Variants in ERLIN2 observed in about 807,000 individuals in gnomAD.
ERLIN2 encodes ER lipid raft associated 2.
Under a neutral mutation model 41.5 loss-of-function variants are expected in ERLIN2, and 22 were observed. The observed-to-expected ratio is 0.53, with a 90% CI of 0.38 to 0.76. The LOEUF (loss-of-function observed/expected upper bound fraction) is 0.76. Among genes scored for constraint, ERLIN2 ranks in the 30% least tolerant of loss-of-function variants. The pLI is 0.00. For synonymous variants in ERLIN2, 149 were observed against 150.9 expected (o/e 0.99, Z 0.09); for missense variants, 247 against 414.3 (o/e 0.60, Z 3.51).
At chr8:37,752,148 A>G (rs1397291916) in intron 10 of ERLIN2, among the ~76,000 whole-genome samples, 1 of 152,208 alleles carries the variant, frequency 6.6e-6, no homozygotes, top group Non-Finnish European at 1.5e-5. Flanking sequence ...CTCCAGGTCT[A>G]TGCAGATATT....
intron 6 of ERLIN2, chr8:37,747,526 GAC>G (rs1192049607): frequency 1.9e-6 from 3 of 1,612,446 alleles, no homozygotes; most frequent in South Asian, 2.2e-5. Flanking sequence ...ATCAATGGTA[GAC>G]ACAGTGACAG....
At chr8:37,738,566 A>G (rs541375020) in intron 2 of ERLIN2, among the ~76,000 whole-genome samples, 1 of 152,218 alleles carries the variant, frequency 6.6e-6, no homozygotes, top group East Asian at 1.9e-4. Flanking sequence ...GTGAGACCCT[A>G]TCTCTAAAAA....
chr8:37,749,578 C>G lies in ERLIN2; in HGVS notation c.444C>G (p.Leu148=). Residue 148 remains leucine, a synonymous_variant, in exon 7 of 12, where the codon CTC becomes CTG. Coordinates refer to ENST00000519638, the MANE Select transcript of ERLIN2 (RefSeq NM_007175.8). ...IELFDQIDEN[L]KLALQQDLTS... The stretch of plus-strand genomic sequence containing the variant: ...TTCCAGATCAGATTGATGAAAATCT[C>G]AAACTGGCTTTGCAACAGGACCTGA... The G allele has an allele frequency of 6.2e-7, 1 of 1,613,594 alleles. No individual in the cohort carries two copies. Among genetic ancestry groups the G allele is most frequent in the Non-Finnish European group, 8.5e-7 (1 of 1,179,472 alleles).
In ERLIN2 at chr8:37,755,562, A is replaced by ACCCCCCCCCCCC; in HGVS notation, c.*1453_*1454insCCCCCCCCCCCC. ...TGTTATGAGCTGACCCCCACCCCCCACCCCCCACCCCCCCCCCCCGCCAAC... is the reference window on the plus strand; with the variant it reads ...TGTTATGAGCTGACCCCCACCCCCCACCCCCCCCCCCCCCCCCCACCCCCCCCCCCCGCCAAC... On this transcript the variant is annotated 3_prime_UTR_variant, in exon 12 of 12. Transcript: ENST00000519638. The ACCCCCCCCCCCC allele has an allele frequency of 1.7e-5, 1 of 58,272 alleles. No homozygotes were observed. The highest frequency in any genetic ancestry group is 1.1e-3 in the South Asian group (1 of 900). 3.6% of individuals were successfully genotyped at this position (58,272 alleles called of 1,614,324 possible).
At chr8:37,752,491 GCAACA>G (rs1803243043) in intron 10 of ERLIN2, among the ~76,000 whole-genome samples, 1 of 152,238 alleles carries the variant, frequency 6.6e-6, no homozygotes, top group South Asian at 2.1e-4. Flanking sequence ...TCTTAGCAAA[GCAACA>G]CGTTTTTATT....
At chr8:37,749,039 T>C (rs749630985) in intron 6 of ERLIN2, among the ~76,000 whole-genome samples, 6 of 152,226 alleles carry the variant, frequency 3.9e-5, no homozygotes, top group Non-Finnish European at 8.8e-5. Flanking sequence ...ATAGAAACAG[T>C]CTTCCTTGGG....
At chr8:37,745,510 TA>T in intron 6 of ERLIN2, 1 of 1,549,728 alleles carries the variant, frequency 6.5e-7, no homozygotes. Flanking sequence ...AATTCTCTAA[TA>T]GCCAATGCCA....
intron 6 of ERLIN2, chr8:37,745,910 C>A (rs937659862): frequency 8.5e-7 from 1 of 1,169,804 alleles, no homozygotes; most frequent in Non-Finnish European, 1.1e-6. Flanking sequence ...TGTCTTAGGA[C>A]TTGTGACATT....
Position 37,754,294 on chromosome 8 carries a change from T to TG in ERLIN2, c.*185dup, listed in dbSNP as rs1803304711. 7.8e-6 allele frequency: 5 copies of TG among 641,728 alleles called. No homozygotes were observed. Among genetic ancestry groups the TG allele is most frequent in the East Asian group, 5.6e-5 (2 of 36,030 alleles). The allele number at this position is 641,728 out of a possible 1,614,324, so 39.8% of individuals were successfully genotyped here. ...GGGAAAGGAGGGTGGGGACTGATGA[T>TG]GGGGGGTTTTATTTCAGGTAAGCAG... On this transcript the variant is annotated 3_prime_UTR_variant, in exon 12 of 12. Coordinates refer to ENST00000519638, the MANE Select transcript of ERLIN2 (RefSeq NM_007175.8).
intron 6 of ERLIN2, chr8:37,747,767 G>A (rs1271975072): frequency 1.2e-6 from 2 of 1,609,218 alleles, no homozygotes; most frequent in Non-Finnish European, 8.5e-7. Context: ...TCAGGTCTCC[G>A]CAGATACATA....
At chr8:37,743,561 G>T (rs1182909163) in intron 4 of ERLIN2, among the ~76,000 whole-genome samples, 1 of 152,176 alleles carries the variant, frequency 6.6e-6, no homozygotes, top group East Asian at 1.9e-4. Context: ...TCACATTGGG[G>T]GTTAGGGCTT....
intron 2 of ERLIN2, among the ~76,000 whole-genome samples, chr8:37,739,779 T>C (rs1034576514): frequency 3.3e-5 from 5 of 151,690 alleles, no homozygotes; most frequent in African/African-American, 7.3e-5. Flanking sequence ...CTTTCTCTTA[T>C]CTAAGTATAC....
At chr8:37,740,518 T>A in intron 3 of ERLIN2, 72 bp downstream of exon 3, 1 of 1,054,028 alleles carries the variant, frequency 9.5e-7, no homozygotes, top group Non-Finnish European at 1.5e-6. Flanking sequence ...GATTTGAAAT[T>A]ATTTAGCCAT....
Position 37,756,999 on chromosome 8 carries a change from T to G in ERLIN2, c.*2884T>G, listed in dbSNP as rs1328938651. The G allele has an allele frequency of 6.6e-6, 1 of 152,214 alleles. No individual in the cohort carries two copies. The highest frequency in any genetic ancestry group is 2.4e-5 in the African/African-American group (1 of 41,450). The allele number at this position is 152,214 out of a possible 1,614,324, so 9.4% of individuals were successfully genotyped here. A position where few individuals can be genotyped will look rare whatever the true frequency, so the allele number is the denominator to read the frequency against. ...AAGGAAACCAAAGTTTATTAATAAT[T>G]TTTATATAACTAAAATAAAATAGAT... On this transcript the variant is annotated 3_prime_UTR_variant, in exon 12 of 12. Coordinates refer to ENST00000519638, the MANE Select transcript of ERLIN2 (RefSeq NM_007175.8).
intron 2 of ERLIN2, 56 bp from the exon 3 acceptor site, chr8:37,740,309 C>A: frequency 1.6e-6 from 2 of 1,230,892 alleles, no homozygotes; most frequent in South Asian, 1.2e-5. Context: ...TGATATTGAT[C>A]TAACAGAGCC....
At chr8:37,745,054 A>T (rs1802993264) in intron 6 of ERLIN2, 4 of 570,916 alleles carry the variant, frequency 7.0e-6, no homozygotes, top group Non-Finnish European at 1.2e-5. Flanking sequence ...TGTCCAGACC[A>T]GCATCCTCAT....
intron 6 of ERLIN2, 62 bp downstream of exon 6, chr8:37,744,758 C>A: frequency 6.3e-7 from 1 of 1,593,320 alleles, no homozygotes; most frequent in Non-Finnish European, 8.6e-7. Flanking sequence ...CCGCGTCTCT[C>A]CACTGCCTAA....
chr8:37,747,320 C>G, intron 6 of ERLIN2: 1 of 1,076,690 alleles, frequency 9.3e-7, no homozygotes, highest in Non-Finnish European at 1.5e-6. Flanking sequence ...GTCTAGGGCT[C>G]AGAAAAAAAG....
In ERLIN2 at chr8:37,754,162, T is replaced by G; in HGVS notation, c.*47T>G. ...AATGATACTTAAGCAGATCTTTATT[T>G]TTTAAGATGAATCAGAATGTTCCTC... On this transcript the variant is annotated 3_prime_UTR_variant, in exon 12 of 12. Coordinates refer to ENST00000519638, the MANE Select transcript of ERLIN2 (RefSeq NM_007175.8). 7.4e-7 allele frequency: 1 copy of G among 1,354,470 alleles called. No individual in the cohort carries two copies. The highest frequency in any genetic ancestry group is 1.0e-6 in the Non-Finnish European group (1 of 952,618). The allele number at this position is 1,354,470 out of a possible 1,614,324, so 83.9% of individuals were successfully genotyped here.
Sources: allele counts gnomAD v4.1 joint callset (sites outside exome capture counted in the v4.1 genomes callset), GRCh38; gene constraint gnomAD v4.1.1; transcripts MANE v1.5; gene names NCBI Gene and HGNC (gene_info 2026-07-23, HGNC 2026-07-21).